CYP2D6: variants seen among roughly 807,000 people sequenced by gnomAD.
CYP2D6 encodes the protein cytochrome P450 family 2 subfamily D member 6 (gene/pseudogene), also known as cytochrome P450 2D6.
CYP2D6 carries 51 observed loss-of-function variants against 43.5 expected under a neutral mutation model. The observed-to-expected ratio is 1.17, with a 90% CI of 0.94 to 1.48. The LOEUF is 1.48. Among genes scored for constraint, CYP2D6 ranks in the 40% most tolerant of loss-of-function variants. CYP2D6 has a pLI of 0.00. For synonymous variants in CYP2D6, 346 were observed against 297.1 expected, an observed-to-expected ratio of 1.16 and a Z score of -1.69; for missense variants, 698 against 688.0, an observed-to-expected ratio of 1.01 and a Z score of -0.16.
chr22:42,129,838 C>T lies in CYP2D6; in HGVS notation c.252G>A (p.Leu84=), dbSNP rs369637170. The T allele has an allele frequency of 3.5e-5, 56 of 1,598,882 alleles. 1 individual carries two copies. The highest frequency in any genetic ancestry group is 4.4e-5 in the Non-Finnish European group (52 of 1,172,426). ...AWTPVVVLNG[L]AAVREALVTH... ...TCACCAGCGCCTCGCGCACGGCCGC[C>T]AGCCCATTGAGCACGACCACCGGCG... Residue 84 remains leucine (L), a synonymous_variant, in exon 2 of 9, where the codon CTG becomes CTA. Transcript: ENST00000645361.
In CYP2D6 at chr22:42,126,590, C is replaced by G; in HGVS notation, c.1478G>C (p.Cys493Ser). Residue 493 changes from cysteine to serine, a missense_variant, in exon 9 of 9, where the codon TGT becomes TCT. This residue lies in a region of CYP2D6 where 85 missense variants were observed against 81.2 expected (regional missense o/e 1.05). Transcript: ENST00000645361. Reference protein sequence around the residue: ...FLVSPSPYELCAVPR With the variant: ...FLVSPSPYELSAVPR ...TACCCCATTCTAGCGGGGCACAGCA[C>G]AAAGCTCATAGGGGGATGGGCTCAC... 1.3e-6 allele frequency: 2 copies of G among 1,597,792 alleles called. No individual in the cohort carries two copies.
intron 2 of CYP2D6, chr22:42,129,447 C>T (rs1291531718): frequency 1.9e-5 from 14 of 739,180 alleles, no homozygotes; most frequent in Non-Finnish European, 3.1e-5. Flanking sequence ...GCTTACAGCA[C>T]AGGTGCGGTC....
chr22:42,128,418 C>A, intron 4 of CYP2D6, 68 bp from the exon 5 acceptor site: 1 of 1,556,034 alleles, frequency 6.4e-7, no homozygotes, highest in Non-Finnish European at 8.9e-7. Flanking sequence ...GTCTCAGGCC[C>A]CAGCCATCTC....
chr22:42,128,655 A>C, intron 4 of CYP2D6, 129 bp downstream of exon 4: 3 of 1,114,862 alleles, frequency 2.7e-6, no homozygotes, highest in Non-Finnish European at 4.0e-6. Context: ...CCCTTCTTAC[A>C]GTGGGGTCTC....
intron 2 of CYP2D6, chr22:42,129,411 C>G (rs1237186711): frequency 1.3e-6 from 1 of 780,850 alleles, no homozygotes; most frequent in Non-Finnish European, 2.2e-6. Flanking sequence ...GGGAAGACCC[C>G]GCGGGCCCCG....
In CYP2D6 at chr22:42,130,694, T is replaced by C; in HGVS notation, c.98A>G (p.Tyr33Cys). The C allele has an allele frequency of 6.2e-7, 1 of 1,606,216 alleles. No homozygotes were observed. Among genetic ancestry groups the C allele is most frequent in the Non-Finnish European group, 8.5e-7 (1 of 1,176,064 alleles). The change falls in exon 1 of 9, where the codon TAC becomes TGC. Residue 33 changes from tyrosine to cysteine, a missense_variant. Around this residue, in one of 5 missense-constraint regions of CYP2D6, gnomAD observed 588 missense variants for 521.1 expected, o/e 1.13. Transcript: ENST00000645361. ...GGGCAGTGGCAGGGGGCCTGGTGGG[T>C]AGCGTGCAGCCCAGCGTTGGCGCCG... ...MHRRQRWAARYPPGPLPLPGL... is the reference protein window; with the variant it reads ...MHRRQRWAARCPPGPLPLPGL...
Position 42,128,316 on chromosome 22 carries a change from G to C in CYP2D6, c.701C>G (p.Pro234Arg). 1 of 1,610,560 alleles carries C rather than the reference G, an allele frequency of 6.2e-7. No individual in the cohort carries two copies. The highest frequency in any genetic ancestry group is 8.5e-7 in the Non-Finnish European group (1 of 1,177,980). ...LNAVPVLLHI[P>R]ALAGKVLRFQ... Reference sequence around the variant, plus strand: ...GCGTAGGACCTTGCCAGCCAGCGCTGGGATATGCAGGAGGACGGGGACAGC... The same window carrying C: ...GCGTAGGACCTTGCCAGCCAGCGCTCGGATATGCAGGAGGACGGGGACAGC... The change falls in exon 5 of 9, where the codon CCA becomes CGA. Residue 234 changes from proline to arginine, a missense_variant. Physicochemically the swap from Pro to Arg is moderately radical, Grantham distance 103. This residue lies in a region of CYP2D6 where 588 missense variants were observed against 521.1 expected (regional missense o/e 1.13). Coordinates refer to ENST00000645361, the MANE Select transcript of CYP2D6 (RefSeq NM_000106.6).
At chr22:42,127,733 A>G in intron 6 of CYP2D6, 99 bp from the exon 7 acceptor site, 1 of 1,570,568 alleles carries the variant, frequency 6.4e-7, no homozygotes, top group African/African-American at 1.4e-5. Context: ...GGCTTACAGG[A>G]TCCTGGTCAA....
At chr22:42,128,965 T>C in intron 3 of CYP2D6, 21 bp from the exon 4 acceptor site, 1 of 1,582,264 alleles carries the variant, frequency 6.3e-7, no homozygotes, top group East Asian at 2.3e-5. Flanking sequence ...GAGATGCGGG[T>C]AAGGGGTCGC....
intron 7 of CYP2D6, among the ~76,000 whole-genome samples, 190 bp from the exon 8 acceptor site, chr22:42,127,182 C>T (rs267608322): frequency 1.3e-5 from 2 of 151,164 alleles, no homozygotes; most frequent in African/African-American, 4.9e-5. Context: ...TCAGAGGCAC[C>T]CACACTGCCC....
At position 42,130,572 on chromosome 22, in the gene CYP2D6, C is replaced by T. The variant is rs1449226165; in HGVS notation, c.180+40G>A. 3 of 1,400,432 alleles carry T rather than the reference C, an allele frequency of 2.1e-6. 1 individual carries two copies. The allele number at this position is 1,400,432 out of a possible 1,614,324, so 86.8% of individuals were successfully genotyped here. A position where few individuals can be genotyped will look rare whatever the true frequency, so the allele number is the denominator to read the frequency against. On this transcript the variant is annotated intron_variant, in intron 1 of 8. Coordinates refer to ENST00000645361, the MANE Select transcript of CYP2D6 (RefSeq NM_000106.6). ...TCCATGTTTGCTTCTGGTAGGGGAG[C>T]CTCAGCACCTCTGCCGCCCTCCAGG...
In CYP2D6 at chr22:42,128,292, C is replaced by T. The variant is rs779730092; in HGVS notation, c.725G>A (p.Arg242His). 3.3e-5 allele frequency: 53 copies of T among 1,610,480 alleles called. 5 individuals are homozygous for T. The Middle Eastern group carries it at 1.2e-3, about 35-fold the overall frequency. ...CTGGGTCAGGAAAGCCTTTTGGAAG[C>T]GTAGGACCTTGCCAGCCAGCGCTGG... ...HIPALAGKVL[R>H]FQKAFLTQLD... Residue 242 changes from arginine (R) to histidine (H), a missense_variant, in exon 5 of 9, where the codon CGC (arginine) becomes CAC (histidine). Coordinates refer to ENST00000645361, the MANE Select transcript of CYP2D6 (RefSeq NM_000106.6).
At position 42,129,055 on chromosome 22, in the gene CYP2D6, A is replaced by G. The variant is rs767182540; in HGVS notation, c.483T>C (p.Cys161=). 2 of 1,607,932 alleles carry G rather than the reference A, an allele frequency of 1.2e-6. No individual in the cohort carries two copies. The highest frequency in any genetic ancestry group is 3.4e-5 in the Admixed American group (2 of 59,570). ...CACCGGAGTGGTTGGCGAAGGCGGC[A>G]CAAAGGCAGGCGGCCTCCTCGGTCA... is the stretch of plus-strand genomic sequence containing the variant. ...QWVTEEAACL[C]AAFANHSGRP... Residue 161 remains cysteine, a synonymous_variant, in exon 3 of 9, where the codon TGT becomes TGC. Transcript: ENST00000645361.
rs185772085 is a variant in CYP2D6, at chr22:42,126,648, G to T, written c.1420C>A (p.Arg474=). The change falls in exon 9 of 9, where the codon CGG becomes AGG. Residue 474 remains arginine, a synonymous_variant. Coordinates refer to ENST00000645361, the MANE Select transcript of CYP2D6 (RefSeq NM_000106.6). ...GCAAAGACACCATGGTGGCTGGGCCGGGGCTGTCCAGTGGGCACCGAGAAG... is the reference window on the plus strand; with the variant it reads ...GCAAAGACACCATGGTGGCTGGGCCTGGGCTGTCCAGTGGGCACCGAGAAG... The part of the protein sequence containing the change: ...FSFSVPTGQP[R]PSHHGVFAFL... 1.8e-5 allele frequency: 29 copies of T among 1,609,520 alleles called. 2 individuals carry two copies. The African/African-American group carries it at 3.6e-4, about 20-fold the overall frequency.
rs767035201 is a variant in CYP2D6 at position 42,129,231 on chromosome 22, C to T, written c.353-46G>A. 1.3e-6 allele frequency: 2 copies of T among 1,589,540 alleles called. 1 individual carries two copies. Among genetic ancestry groups the T allele is most frequent in the Non-Finnish European group, 1.7e-6 (2 of 1,172,132 alleles). On this transcript the variant is annotated intron_variant, in intron 2 of 8. Coordinates refer to ENST00000645361, the MANE Select transcript of CYP2D6 (RefSeq NM_000106.6). ...TGCGCGTGGCCATGAAGGCATTAGC[C>T]CCACCATCCACCACCCACTCCAACC...
Position 42,128,346 on chromosome 22 carries a change from A to G in CYP2D6, c.671T>C (p.Leu224Pro), listed in dbSNP as rs1308119434. Reference protein sequence around the residue: ...KEESGFLREVLNAVPVLLHIP... With the variant: ...KEESGFLREVPNAVPVLLHIP... ...ATGCAGGAGGACGGGGACAGCATTC[A>G]GCACCTACACCAGACAGAACGGGGT... The change falls in exon 5 of 9, where the codon CTG becomes CCG. Residue 224 changes from leucine (L) to proline (P), a missense_variant. Transcript: ENST00000645361. 2 of 1,610,182 alleles carry G rather than the reference A, an allele frequency of 1.2e-6. No individual in the cohort carries two copies. The highest frequency in any genetic ancestry group is 2.2e-5 in the East Asian group (1 of 44,718).
intron 2 of CYP2D6, 30 bp from the exon 3 acceptor site, chr22:42,129,215 C>T (rs1460182999): frequency 6.3e-7 from 1 of 1,596,504 alleles, no homozygotes; most frequent in Non-Finnish European, 8.5e-7. Flanking sequence ...GTGCGCGTGG[C>T]CATGAAGGCA....
rs1230147351 is a variant in CYP2D6 at position 42,129,826 on chromosome 22, G to A, written c.264C>T (p.Arg88=). The part of the protein sequence containing the change: ...VVVLNGLAAV[R]EALVTHGEDT... ...CCTCGCCGTGGGTCACCAGCGCCTC[G>A]CGCACGGCCGCCAGCCCATTGAGCA... The change falls in exon 2 of 9, where the codon CGC becomes CGT. Residue 88 remains arginine (R), a synonymous_variant. Transcript: ENST00000645361. 4 of 1,599,254 alleles carry A rather than the reference G, an allele frequency of 2.5e-6. 1 individual carries two copies. Among genetic ancestry groups the A allele is most frequent in the South Asian group, 1.1e-5 (1 of 90,612 alleles).
rs1331223861 is a variant in CYP2D6 at position 42,129,811 on chromosome 22, G to C, written c.279C>G (p.Thr93=). Reference sequence around the variant, plus strand: ...GGCGGTCGGCGGTGTCCTCGCCGTGGGTCACCAGCGCCTCGCGCACGGCCG... The same window carrying C: ...GGCGGTCGGCGGTGTCCTCGCCGTGCGTCACCAGCGCCTCGCGCACGGCCG... ...GLAAVREALV[T]HGEDTADRPP... is the part of the protein sequence containing the mutation. The change falls in exon 2 of 9, where the codon ACC becomes ACG. Residue 93 remains threonine, a synonymous_variant. Transcript: ENST00000645361. 1 of 1,605,256 alleles carries C rather than the reference G, an allele frequency of 6.2e-7. No homozygotes were observed. Among genetic ancestry groups the C allele is most frequent in the Non-Finnish European group, 8.5e-7 (1 of 1,176,390 alleles).
Sources: allele counts gnomAD v4.1 joint callset (sites outside exome capture counted in the v4.1 genomes callset), GRCh38; gene constraint gnomAD v4.1.1; regional missense constraint gnomAD v4.1.1; transcripts MANE v1.5; gene names NCBI Gene and HGNC (gene_info 2026-07-23, HGNC 2026-07-21).